NXPE4: variants seen among roughly 807,000 people sequenced by gnomAD.
The protein encoded by NXPE4 is NXPE family member 4.
NXPE4 carries 42 observed loss-of-function variants against 33.3 expected under a neutral mutation model. The observed-to-expected ratio is 1.26, with a 90% CI of 0.98 to 1.63. The LOEUF is 1.63. NXPE4 is among the 40% of genes most tolerant of loss of function. The pLI, the probability that NXPE4 is intolerant of heterozygous loss-of-function variation, is 0.00. For missense variants in NXPE4, 709 were observed against 647.6 expected (o/e 1.09, Z -1.03); for synonymous variants, 253 against 234.9 (o/e 1.08, Z -0.71).
chr11:114,603,778 G>A, the NXPE4 span, among the ~76,000 whole-genome samples: 2 of 142,824 alleles, frequency 1.4e-5, no homozygotes, highest in Admixed American at 1.4e-4. Context: ...GGTAACTACT[G>A]TTACCTGGAG....
At chr11:114,606,173 C>T in the NXPE4 span, among the ~76,000 whole-genome samples, 3 of 151,774 alleles carry the variant, frequency 2.0e-5, no homozygotes, top group African/African-American at 7.3e-5. Flanking sequence ...ATAAGTATTG[C>T]CTTGTGGGTA....
In NXPE4 at chr11:114,594,778, G is replaced by A; in HGVS notation, c.-10-9C>T. ...TTTTCATGATTAGGATCCTACAAGA[G>A]ACAATACAAAAACAAGCACAAAAAC... On this transcript the variant is annotated splice_polypyrimidine_tract_variant and intron_variant, in intron 1 of 5. Coordinates refer to ENST00000375478, the MANE Select transcript of NXPE4 (RefSeq NM_001077639.2). 1 of 1,283,398 alleles carries A rather than the reference G, an allele frequency of 7.8e-7. No homozygotes were observed. The allele number at this position is 1,283,398 out of a possible 1,614,324, so 79.5% of individuals were successfully genotyped here. A position where few individuals can be genotyped will look rare whatever the true frequency, so the allele number is the denominator to read the frequency against.
At chr11:114,586,815 C>G (rs189228742) in intron 2 of NXPE4, among the ~76,000 whole-genome samples, 2 of 152,178 alleles carry the variant, frequency 1.3e-5, no homozygotes, top group Admixed American at 6.5e-5. Context: ...CCTATCCACT[C>G]TCTGTATGCA....
chr11:114,595,548 C>A (rs1949559992), intron 1 of NXPE4, 44 bp downstream of exon 1: 1 of 152,278 alleles, frequency 6.6e-6, no homozygotes. Context: ...AAATAAATGT[C>A]ACACCTTTCC....
intron 5 of NXPE4, among the ~76,000 whole-genome samples, chr11:114,577,088 T>C (rs10891709): frequency 2.0e-3 from 132 of 67,186 alleles, no homozygotes; most frequent in African/African-American, 7.1e-3. Flanking sequence ...TATATATACA[T>C]ATATATATAA....
intron 5 of NXPE4, among the ~76,000 whole-genome samples, chr11:114,579,134 G>C (rs1364433061): frequency 2.0e-5 from 3 of 152,162 alleles, no homozygotes; most frequent in Non-Finnish European, 4.4e-5. Flanking sequence ...GAAGCTTTTA[G>C]TCATGGCGGA....
chr11:114,647,851 G>T, the NXPE4 span, among the ~76,000 whole-genome samples: 49,791 of 151,724 alleles, frequency 0.33, 8,440 homozygotes, highest in East Asian at 0.41. Context: ...ACAGGTGCCT[G>T]CCACTGTGCA....
At chr11:114,632,892 A>C in the NXPE4 span, among the ~76,000 whole-genome samples, 3 of 45,254 alleles carry the variant, frequency 6.6e-5, no homozygotes, top group African/African-American at 1.9e-4. Context: ...ATATTATATA[A>C]TTTTATGTAA....
At chr11:114,574,524 A>G (rs973296542) in intron 5 of NXPE4, among the ~76,000 whole-genome samples, 2 of 152,170 alleles carry the variant, frequency 1.3e-5, no homozygotes, top group Non-Finnish European at 2.9e-5. Context: ...AGATATTACA[A>G]CTGATACCAC....
the NXPE4 span, among the ~76,000 whole-genome samples, chr11:114,616,485 G>C: frequency 2.0e-5 from 3 of 151,652 alleles, no homozygotes; most frequent in Non-Finnish European, 1.5e-5. Flanking sequence ...TTGCCTCGAG[G>C]GTAACCACTG....
At chr11:114,613,499 C>T in the NXPE4 span, among the ~76,000 whole-genome samples, 1 of 151,944 alleles carries the variant, frequency 6.6e-6, no homozygotes, top group Middle Eastern at 3.4e-3. Context: ...ACCACTATTA[C>T]CCAGTGGATA....
chr11:114,613,291 G>A, the NXPE4 span, among the ~76,000 whole-genome samples: 8 of 152,040 alleles, frequency 5.3e-5, no homozygotes, highest in South Asian at 1.5e-3. Context: ...GTTACTAGGT[G>A]GATAATAAGT....
At chr11:114,663,939 T>A in the NXPE4 span, among the ~76,000 whole-genome samples, 1 of 152,130 alleles carries the variant, frequency 6.6e-6, no homozygotes. Flanking sequence ...TTTGGCACAT[T>A]GCTGATGGGG....
chr11:114,579,059 G>A (rs1949075680), intron 5 of NXPE4, among the ~76,000 whole-genome samples: 1 of 152,166 alleles, frequency 6.6e-6, no homozygotes, highest in South Asian at 2.1e-4. Flanking sequence ...GGCTTATTTG[G>A]CTGATGGTTC....
At chr11:114,636,450 G>A in the NXPE4 span, among the ~76,000 whole-genome samples, 1 of 151,918 alleles carries the variant, frequency 6.6e-6, no homozygotes, top group Non-Finnish European at 1.5e-5. Context: ...GGTTTTTTGT[G>A]TCTCTATTTC....
intron 2 of NXPE4, chr11:114,583,247 A>G: frequency 1.5e-6 from 1 of 679,436 alleles, no homozygotes; most frequent in South Asian, 1.7e-5. Flanking sequence ...ACAGGAAGTG[A>G]GCAAGATGGC....
chr11:114,657,062 C>T, the NXPE4 span, among the ~76,000 whole-genome samples: 2 of 152,176 alleles, frequency 1.3e-5, no homozygotes, highest in African/African-American at 4.8e-5. Flanking sequence ...CCACTGCACT[C>T]CAGCCTGGGT....
At chr11:114,657,225 T>A in the NXPE4 span, among the ~76,000 whole-genome samples, 1 of 152,188 alleles carries the variant, frequency 6.6e-6, no homozygotes, top group South Asian at 2.1e-4. Flanking sequence ...CTTTCCTACC[T>A]CTATCTCTGA....
chr11:114,576,712 A>G (rs1478705606), intron 5 of NXPE4, among the ~76,000 whole-genome samples: 4 of 152,004 alleles, frequency 2.6e-5, no homozygotes, highest in Admixed American at 2.6e-4. Flanking sequence ...GATGCAGTAA[A>G]AAGGGAACAC....
Sources: gnomAD v4.1 joint callset for allele counts (sites outside exome capture counted in the v4.1 genomes callset) on GRCh38, gnomAD v4.1.1 for gene constraint, MANE v1.5 for transcripts, NCBI Gene and HGNC (gene_info 2026-07-23, HGNC 2026-07-21) for gene names.